LRRC7: variants seen among roughly 807,000 people sequenced by gnomAD.
LRRC7 encodes the protein leucine rich repeat containing 7.
LRRC7 carries 23 observed loss-of-function variants against 175.7 expected under a neutral mutation model. That is an observed-to-expected ratio of 0.13 (90% confidence interval 0.09 to 0.19). The LOEUF (loss-of-function observed/expected upper bound fraction) is 0.19. Among genes scored for constraint, LRRC7 ranks in the 10% least tolerant of loss-of-function variants. The pLI is 1.00. For synonymous variants in LRRC7, 685 were observed against 680.9 expected (o/e 1.01, Z -0.09); for missense variants, 1,354 against 1,904.7 (o/e 0.71, Z 5.38).
At chr1:69,818,440 C>T (rs554973343) in intron 4 of LRRC7, among the ~76,000 whole-genome samples, 100 of 152,186 alleles carry the variant, frequency 6.6e-4, no homozygotes, top group African/African-American at 2.4e-3. Flanking sequence ...GATAAACCAT[C>T]TTTGCCTCCC....
chr1:69,662,020 G>GT, intron 1 of LRRC7, among the ~76,000 whole-genome samples: 2 of 152,220 alleles, frequency 1.3e-5, no homozygotes, highest in East Asian at 1.9e-4. Context: ...GAGCAGAACA[G>GT]TTTTTTCATT....
At chr1:69,936,335 G>A (rs573381836) in intron 8 of LRRC7, among the ~76,000 whole-genome samples, 9 of 152,056 alleles carry the variant, frequency 5.9e-5, no homozygotes, top group African/African-American at 9.7e-5. Flanking sequence ...TTATTGGAAC[G>A]ATAATAAAGA....
At chr1:69,952,151 T>C (rs1049455113) in intron 8 of LRRC7, among the ~76,000 whole-genome samples, 1 of 152,052 alleles carries the variant, frequency 6.6e-6, no homozygotes, top group African/African-American at 2.4e-5. Context: ...GTTTAAGATG[T>C]TATATAATAT....
intron 4 of LRRC7, among the ~76,000 whole-genome samples, chr1:69,802,489 C>T (rs1165901903): frequency 6.6e-6 from 1 of 151,182 alleles, no homozygotes; most frequent in Non-Finnish European, 1.5e-5. Context: ...TTTGTTTTCA[C>T]TGTTTTTGAT....
chr1:70,113,802 C>T (rs1404546114), intron 26 of LRRC7, among the ~76,000 whole-genome samples: 6 of 151,808 alleles, frequency 4.0e-5, no homozygotes, highest in Admixed American at 2.6e-4. Context: ...CAGGACTTTA[C>T]ACTGTACTAA....
chr1:69,990,442 AAATT>A (rs1182438635), intron 10 of LRRC7, among the ~76,000 whole-genome samples: 1 of 152,052 alleles, frequency 6.6e-6, no homozygotes, highest in African/African-American at 2.4e-5. Flanking sequence ...TTGGTAAATT[AAATT>A]AATTAAATTA....
intron 2 of LRRC7, among the ~76,000 whole-genome samples, chr1:69,739,067 T>A (rs1668429286): frequency 6.6e-6 from 1 of 152,090 alleles, no homozygotes; most frequent in African/African-American, 2.4e-5. Flanking sequence ...AAAAGCAAGA[T>A]AGCAGTAGCT....
chr1:69,986,754 A>G (rs1653967426), intron 10 of LRRC7, among the ~76,000 whole-genome samples: 1 of 152,136 alleles, frequency 6.6e-6, no homozygotes, highest in Admixed American at 6.5e-5. Context: ...CATCCATAGG[A>G]TGTTGCTATA....
chr1:70,081,503 A>G (rs1329676753), intron 24 of LRRC7, among the ~76,000 whole-genome samples: 1 of 152,208 alleles, frequency 6.6e-6, no homozygotes, highest in African/African-American at 2.4e-5. Flanking sequence ...AGACTACAAA[A>G]CTAAGACTAA....
intron 3 of LRRC7, among the ~76,000 whole-genome samples, chr1:69,786,895 A>T (rs903752392): frequency 6.6e-6 from 1 of 152,184 alleles, no homozygotes; most frequent in Non-Finnish European, 1.5e-5. Context: ...CCTCCCCAAC[A>T]GTCCCTCAAA....
chr1:69,870,638 T>C (rs7543437), intron 7 of LRRC7, among the ~76,000 whole-genome samples: 1 of 151,818 alleles, frequency 6.6e-6, no homozygotes, highest in Non-Finnish European at 1.5e-5. Context: ...CAATTCCCGA[T>C]GCCTAGAATT....
chr1:70,114,925 A>G (rs1371431185), intron 26 of LRRC7, among the ~76,000 whole-genome samples: 3 of 152,210 alleles, frequency 2.0e-5, no homozygotes, highest in Non-Finnish European at 2.9e-5. Context: ...TAGAAAAGTA[A>G]CATCCATTAA....
chr1:70,070,691 A>G (rs1293682072), intron 23 of LRRC7, among the ~76,000 whole-genome samples: 1 of 152,140 alleles, frequency 6.6e-6, no homozygotes, highest in African/African-American at 2.4e-5. Context: ...AGTTGAGGTA[A>G]AGGCTTCTCA....
At chr1:69,834,714 A>G (rs1165992851) in intron 5 of LRRC7, 66 bp from the exon 6 acceptor site, 3 of 1,149,708 alleles carry the variant, frequency 2.6e-6, no homozygotes, top group African/African-American at 3.1e-5. Context: ...TCAGAGATAC[A>G]TATTTTTTTT....
intron 1 of LRRC7, among the ~76,000 whole-genome samples, chr1:69,650,973 T>C (rs983705988): frequency 3.3e-5 from 5 of 152,204 alleles, no homozygotes; most frequent in Non-Finnish European, 7.3e-5. Flanking sequence ...GTGACAAGTA[T>C]AGATGTCAAT....
At chr1:69,580,716 C>A (rs1041541089) in intron 1 of LRRC7, among the ~76,000 whole-genome samples, 7 of 152,142 alleles carry the variant, frequency 4.6e-5, no homozygotes, top group Non-Finnish European at 1.0e-4. Flanking sequence ...GTGTGCCAGG[C>A]CTTGTGCTAG....
chr1:70,098,355 A>G (rs894830440), intron 25 of LRRC7, among the ~76,000 whole-genome samples: 4 of 151,846 alleles, frequency 2.6e-5, no homozygotes, highest in African/African-American at 9.7e-5. Flanking sequence ...CTAAATGCCC[A>G]CAAGAGAAAG....
At chr1:69,969,574 A>T (rs1441178366) in intron 8 of LRRC7, among the ~76,000 whole-genome samples, 1 of 152,164 alleles carries the variant, frequency 6.6e-6, no homozygotes, top group Non-Finnish European at 1.5e-5. Flanking sequence ...CCAACATGAA[A>T]ATATCACAAT....
intron 1 of LRRC7, among the ~76,000 whole-genome samples, chr1:69,643,455 A>C (rs1051012532): frequency 4.6e-5 from 7 of 151,904 alleles, no homozygotes; most frequent in African/African-American, 1.7e-4. Flanking sequence ...CAACAAAACA[A>C]CTCTTTTCTC....
Sources: gnomAD v4.1 joint callset for allele counts (sites outside exome capture counted in the v4.1 genomes callset) on GRCh38, gnomAD v4.1.1 for gene constraint, MANE v1.5 for transcripts, NCBI Gene and HGNC (gene_info 2026-07-23, HGNC 2026-07-21) for gene names.